Variants in AK5 observed in about 807,000 individuals in gnomAD.
AK5 encodes the protein adenylate kinase 5, also known as adenylate kinase isoenzyme 5.
A neutral mutation model predicts 69.5 loss-of-function variants in AK5; 27 were observed. That is an observed-to-expected ratio of 0.39 (90% CI 0.29 to 0.54). AK5 has a LOEUF of 0.54. Ranked by LOEUF, AK5 falls within the 20% of genes least tolerant of loss-of-function variation. The pLI, the probability that AK5 is intolerant of heterozygous loss-of-function variation, is 0.71. For synonymous variants in AK5, 260 were observed against 244.4 expected (o/e 1.06, Z -0.60); for missense variants, 531 against 700.4 (o/e 0.76, Z 2.73).
chr1:77,436,722 T>G (rs1651984850), intron 8 of AK5, among the ~76,000 whole-genome samples: 1 of 152,026 alleles, frequency 6.6e-6, no homozygotes, highest in Admixed American at 6.6e-5. Flanking sequence ...TACATTCACC[T>G]AATTTGTTTA....
intron 6 of AK5, among the ~76,000 whole-genome samples, chr1:77,380,961 A>G (rs1224241057): frequency 6.6e-6 from 1 of 152,238 alleles, no homozygotes; most frequent in Non-Finnish European, 1.5e-5. Flanking sequence ...AGTGACTCTG[A>G]AAATCCTAAC....
At chr1:77,510,864 A>T (rs1481583736) in intron 10 of AK5, among the ~76,000 whole-genome samples, 2 of 151,856 alleles carry the variant, frequency 1.3e-5, no homozygotes, top group Non-Finnish European at 2.9e-5. Flanking sequence ...AATTTTAAGT[A>T]AATAATATAT....
intron 8 of AK5, among the ~76,000 whole-genome samples, chr1:77,447,367 T>G (rs1456111629): frequency 6.6e-6 from 1 of 152,196 alleles, no homozygotes; most frequent in Non-Finnish European, 1.5e-5. Flanking sequence ...TCAATAGATT[T>G]CCACTCTGAA....
intron 6 of AK5, among the ~76,000 whole-genome samples, chr1:77,404,254 T>G (rs540355975): frequency 6.6e-6 from 1 of 152,314 alleles, no homozygotes; most frequent in South Asian, 2.1e-4. Context: ...GGACAAATCT[T>G]TGTTGTGAGG....
intron 8 of AK5, among the ~76,000 whole-genome samples, chr1:77,454,174 C>G (rs1653332948): frequency 6.6e-6 from 1 of 152,220 alleles, no homozygotes; most frequent in African/African-American, 2.4e-5. Flanking sequence ...AGCTAGATAT[C>G]TGCCAAACCC....
intron 8 of AK5, among the ~76,000 whole-genome samples, chr1:77,453,475 G>C (rs1282183954): frequency 6.6e-6 from 1 of 152,166 alleles, no homozygotes; most frequent in Non-Finnish European, 1.5e-5. Flanking sequence ...CTGCAGTATA[G>C]TATTCCAATG....
At chr1:77,311,659 C>G (rs1659968958) in intron 5 of AK5, among the ~76,000 whole-genome samples, 1 of 146,424 alleles carries the variant, frequency 6.8e-6, no homozygotes, top group African/African-American at 2.5e-5. Flanking sequence ...TCTTCCCTTT[C>G]TTTTGTCAGA....
intron 8 of AK5, among the ~76,000 whole-genome samples, chr1:77,465,519 G>A (rs1272446062): frequency 2.0e-5 from 3 of 152,148 alleles, no homozygotes; most frequent in Non-Finnish European, 2.9e-5. Flanking sequence ...TAACCGGGAC[G>A]TCTTATTCAC....
chr1:77,445,210 G>T (rs1652672726), intron 8 of AK5, among the ~76,000 whole-genome samples: 1 of 152,110 alleles, frequency 6.6e-6, no homozygotes, highest in African/African-American at 2.4e-5. Flanking sequence ...CCTCCATGTT[G>T]TTTTTCATAA....
chr1:77,405,903 C>G (rs1649596884), intron 6 of AK5, among the ~76,000 whole-genome samples: 1 of 151,710 alleles, frequency 6.6e-6, no homozygotes, highest in Non-Finnish European at 1.5e-5. Flanking sequence ...CCTTACTCCC[C>G]TTTTCCACTT....
chr1:77,302,267 T>G (rs1350646727), intron 5 of AK5, among the ~76,000 whole-genome samples: 1 of 152,172 alleles, frequency 6.6e-6, no homozygotes, highest in African/African-American at 2.4e-5. Flanking sequence ...TGGTAAAAAC[T>G]GTTTCTTTCC....
intron 7 of AK5, among the ~76,000 whole-genome samples, chr1:77,416,604 A>G (rs1486631635): frequency 6.6e-6 from 1 of 152,150 alleles, no homozygotes; most frequent in Non-Finnish European, 1.5e-5. Flanking sequence ...ATGATAAGAG[A>G]AGAGAAGGGG....
intron 6 of AK5, among the ~76,000 whole-genome samples, chr1:77,403,837 G>A (rs1428014635): frequency 6.6e-6 from 1 of 152,198 alleles, no homozygotes; most frequent in Non-Finnish European, 1.5e-5. Flanking sequence ...TGTGAAGAAA[G>A]TCATTGGTAG....
At chr1:77,289,862 CAAAAAAAAAAA>C (rs55819317) in intron 2 of AK5, among the ~76,000 whole-genome samples, 8 of 64,700 alleles carry the variant, frequency 1.2e-4, no homozygotes, top group African/African-American at 3.2e-4. Context: ...GACTCCGTCT[CAAAAAAAAAAA>C]AAAAAAAAAA....
chr1:77,411,181 G>T, intron 7 of AK5, 110 bp downstream of exon 7: 1 of 847,372 alleles, frequency 1.2e-6, no homozygotes. Context: ...TTTGAAGGAT[G>T]ACAAAGTCTT....
At position 77,417,649 on chromosome 1, in the gene AK5, C is replaced by T; in HGVS notation, c.993C>T (p.Asp331=). ...PNKEAAAGSS[D]LDPSMILDTG... is the part of the protein sequence containing the mutation. ...CTTTCCTAATCTTAGGTTCAAGTGA[C>T]CTTGATCCTTCGATGATATTGGACA... Residue 331 remains aspartate (D), a synonymous_variant, in exon 8 of 14, where the codon GAC becomes GAT. Coordinates refer to ENST00000354567, the MANE Select transcript of AK5 (RefSeq NM_174858.3). The T allele has an allele frequency of 6.2e-7, 1 of 1,603,550 alleles. No individual in the cohort carries two copies.
intron 13 of AK5, among the ~76,000 whole-genome samples, chr1:77,555,499 A>G (rs1660055926): frequency 6.6e-6 from 1 of 152,160 alleles, no homozygotes; most frequent in South Asian, 2.1e-4. Flanking sequence ...CCTGGGTGTG[A>G]ACCAGTTCTC....
At chr1:77,413,107 G>A (rs1051034568) in intron 7 of AK5, among the ~76,000 whole-genome samples, 1 of 152,046 alleles carries the variant, frequency 6.6e-6, no homozygotes, top group South Asian at 2.1e-4. Flanking sequence ...CCTTAGCACA[G>A]AAGAAAGCCC....
intron 8 of AK5, among the ~76,000 whole-genome samples, chr1:77,445,156 A>G (rs1039158009): frequency 1.3e-5 from 2 of 152,166 alleles, no homozygotes; most frequent in Non-Finnish European, 2.9e-5. Context: ...AAAGGAAGAG[A>G]TTGCTGCATC....
Sources: allele counts gnomAD v4.1 joint callset (sites outside exome capture counted in the v4.1 genomes callset), GRCh38; gene constraint gnomAD v4.1.1; transcripts MANE v1.5; gene names NCBI Gene and HGNC (gene_info 2026-07-23, HGNC 2026-07-21).